Variants in SMU1 observed in about 807,000 individuals in gnomAD.
SMU1 encodes SMU1 DNA replication regulator and spliceosomal factor.
Under a neutral mutation model 62.0 loss-of-function variants are expected in SMU1, and 2 were observed. That is an observed-to-expected ratio of 0.03 (90% CI 0.01 to 0.10). SMU1 has a LOEUF of 0.10. SMU1 is among the 10% of genes least tolerant of loss of function. SMU1 has a pLI of 1.00. For missense variants in SMU1, 227 were observed against 622.1 expected, an observed-to-expected ratio of 0.36 and a Z score of 6.76; for synonymous variants, 188 against 212.4, an observed-to-expected ratio of 0.89 and a Z score of 1.00.
intron 1 of SMU1, among the ~76,000 whole-genome samples, chr9:33,076,235 A>C (rs1217414535): frequency 6.6e-6 from 1 of 152,236 alleles, no homozygotes; most frequent in Non-Finnish European, 1.5e-5. Flanking sequence ...GCAAGGCTTA[A>C]AGAGACCTAT....
In SMU1 at chr9:33,056,962, C is replaced by A. The variant is rs761333203; in HGVS notation, c.870G>T (p.Val290=). The part of the protein sequence containing the change: ...ATGAQDGKIK[V]WKIQSGQCLR... ...AACATTGTCCACTCTGAATCTTCCA[C>A]ACCTTTATTTGAAAAAAAAAAAAGA... Residue 290 remains valine (V), a splice_region_variant and synonymous_variant, in exon 8 of 12, where the codon GTG becomes GTT. Transcript: ENST00000397149. 2.5e-6 allele frequency: 4 copies of A among 1,598,600 alleles called. No homozygotes were observed. The highest frequency in any genetic ancestry group is 1.1e-5 in the South Asian group (1 of 88,836).
rs548965558 is a variant in SMU1 at position 33,048,844 on chromosome 9, A to G, written c.1291-586T>C. ...TGGTTGCCAAGGGTTAGGGCTTGGG[A>G]TTAACCTGAAATTTAAAACATGATA... On this transcript the variant is annotated intron_variant, in intron 10 of 11. Transcript: ENST00000397149. Among the ~76,000 whole-genome samples, 24 of 152,372 alleles carry G rather than the reference A, an allele frequency of 1.6e-4. 1 individual carries two copies. The East Asian group carries it at 4.2e-3, about 27-fold the overall frequency.
At chr9:33,067,989 A>G (rs12376634) in intron 4 of SMU1, among the ~76,000 whole-genome samples, 29,502 of 152,116 alleles carry the variant, frequency 0.19, 3,103 homozygotes, top group Middle Eastern at 0.29. Context: ...TGGCAACACT[A>G]TTAGTAATTT....
intron 4 of SMU1, among the ~76,000 whole-genome samples, chr9:33,066,421 G>C (rs1449830409): frequency 6.6e-6 from 1 of 150,738 alleles, no homozygotes. Context: ...TGGGCTCAGC[G>C]GCTTACACCT....
Position 33,062,195 on chromosome 9 carries a change from A to C in SMU1, c.502-18T>G. On this transcript the variant is annotated intron_variant, in intron 4 of 11. Transcript: ENST00000397149. Reference sequence around the variant, plus strand: ...TTCAGTGCCTATGAGGAAAAAAAAAAATATAGCAATCTGTTCAGGTGCTTT... The same window carrying C: ...TTCAGTGCCTATGAGGAAAAAAAAACATATAGCAATCTGTTCAGGTGCTTT... 1.2e-6 allele frequency: 2 copies of C among 1,606,214 alleles called. No individual in the cohort carries two copies. Among genetic ancestry groups the C allele is most frequent in the Non-Finnish European group, 1.7e-6 (2 of 1,177,428 alleles).
At chr9:33,059,674 C>T (rs1315249641) in intron 6 of SMU1, among the ~76,000 whole-genome samples, 1 of 148,432 alleles carries the variant, frequency 6.7e-6, no homozygotes, top group Non-Finnish European at 1.5e-5. Flanking sequence ...GGCATGATCT[C>T]GGCTCACTGC....
At chr9:33,070,912 T>C (rs1839478781) in intron 3 of SMU1, among the ~76,000 whole-genome samples, 4 of 152,050 alleles carry the variant, frequency 2.6e-5, no homozygotes, top group African/African-American at 7.2e-5. Flanking sequence ...GTGGGGATGG[T>C]TAATAGATAC....
At chr9:33,052,458 A>G (rs749422638) in intron 10 of SMU1, among the ~76,000 whole-genome samples, 6 of 152,210 alleles carry the variant, frequency 3.9e-5, no homozygotes, top group Non-Finnish European at 7.3e-5. Context: ...TCAGCTATGG[A>G]TTCTCAACTA....
chr9:33,049,265 T>A (rs1839217112), intron 10 of SMU1, among the ~76,000 whole-genome samples: 2 of 152,308 alleles, frequency 1.3e-5, no homozygotes, highest in South Asian at 4.1e-4. Flanking sequence ...ATTGGATCAA[T>A]GGAACAGGAT....
intron 4 of SMU1, among the ~76,000 whole-genome samples, chr9:33,063,476 T>C (rs1041792755): frequency 5.9e-5 from 9 of 152,180 alleles, no homozygotes; most frequent in African/African-American, 2.2e-4. Context: ...CCTTTCCTTT[T>C]GTTATTCCAA....
intron 9 of SMU1, among the ~76,000 whole-genome samples, chr9:33,055,191 G>T (rs1839291195): frequency 6.6e-6 from 1 of 151,940 alleles, no homozygotes. Flanking sequence ...TTTATTGATT[G>T]ACTGAGACAG....
rs1839349367 is a variant in SMU1, at chr9:33,060,370, C to T, written c.750+95G>A. ...TAATACATGTTCATTACATACAGAT[C>T]CTTTTTCAACTAATCTGATTTAGAG... On this transcript the variant is annotated intron_variant, in intron 6 of 11. Transcript: ENST00000397149. 4 of 1,094,794 alleles carry T rather than the reference C, an allele frequency of 3.7e-6. No homozygotes were observed. In the Admixed American group the frequency reaches 1.0e-4, roughly 28 times the overall value. 67.8% of individuals were successfully genotyped at this position (1,094,794 alleles called of 1,614,324 possible).
Position 33,075,204 on chromosome 9 carries a change from G to A in SMU1, c.26+1379C>T, listed in dbSNP as rs1014568752. Among the ~76,000 whole-genome samples, 4 of 152,140 alleles carry A rather than the reference G, an allele frequency of 2.6e-5. No individual in the cohort carries two copies. The East Asian group carries it at 5.8e-4, about 22-fold the overall frequency. On this transcript the variant is annotated intron_variant, in intron 1 of 11. Transcript: ENST00000397149. The stretch of plus-strand genomic sequence containing the variant: ...ATCCTGGCTAACACGGTGAAACCCC[G>A]TCTCTACTAAAAATACAAAAAAATT...
chr9:33,044,467 CCGTCCGCCCTGCG>C lies in SMU1; in HGVS notation c.*2813_*2825del, dbSNP rs1839161302. ...CGGAGCAGCGGCGCCCCAGATCCGGCCGTCCGCCCTGCGCGTGCGCGGCCCGACCCCGCCGCGG... is the reference window on the plus strand; with the variant it reads ...CGGAGCAGCGGCGCCCCAGATCCGGCCGTGCGCGGCCCGACCCCGCCGCGG... On this transcript the variant is annotated 3_prime_UTR_variant, in exon 12 of 12. Transcript: ENST00000397149. 1 of 152,434 alleles carries C rather than the reference CCGTCCGCCCTGCG, an allele frequency of 6.6e-6. No homozygotes were observed. The highest frequency in any genetic ancestry group is 2.1e-4 in the South Asian group (1 of 4,838). 9.4% of individuals were successfully genotyped at this position (152,434 alleles called of 1,614,324 possible).
At position 33,061,729 on chromosome 9, in the gene SMU1, A is replaced by G. The variant is rs534454854; in HGVS notation, c.630+320T>C. 6.6e-5 allele frequency among the ~76,000 whole-genome samples: 10 copies of G among 152,374 alleles called. No homozygotes were observed. In the South Asian group the frequency reaches 2.1e-3, roughly 32 times the overall value. ...AAAATGGTAAACAGAAGAAGTACAT[A>G]CAAAGTTCACAGTCCCAGGTGTAAC... On this transcript the variant is annotated intron_variant, in intron 5 of 11. Transcript: ENST00000397149.
At chr9:33,054,955 G>A (rs1428818870) in intron 9 of SMU1, among the ~76,000 whole-genome samples, 1 of 152,104 alleles carries the variant, frequency 6.6e-6, no homozygotes, top group Non-Finnish European at 1.5e-5. Context: ...ACAAAATAAG[G>A]AACCTTAGAT....
chr9:33,071,479 T>G (rs928111878), intron 3 of SMU1, among the ~76,000 whole-genome samples: 2 of 152,270 alleles, frequency 1.3e-5, no homozygotes, highest in Middle Eastern at 3.4e-3. Flanking sequence ...GAATAAAATG[T>G]TCTGCTTTTT....
At chr9:33,064,351 T>A (rs1177024118) in intron 4 of SMU1, among the ~76,000 whole-genome samples, 2 of 152,212 alleles carry the variant, frequency 1.3e-5, no homozygotes. Flanking sequence ...GGGAAGACTA[T>A]CAGGTTTGAT....
In SMU1 at chr9:33,055,868, C is replaced by A. The variant is rs73478850; in HGVS notation, c.1122+245G>T. Among the ~76,000 whole-genome samples the A allele has an allele frequency of 0.029, 4,398 of 152,246 alleles. 200 individuals are homozygous for A. Among genetic ancestry groups the A allele is most frequent in the African/African-American group, 0.1 (4,183 of 41,524 alleles). On this transcript the variant is annotated intron_variant, in intron 9 of 11. Coordinates refer to ENST00000397149, the MANE Select transcript of SMU1 (RefSeq NM_018225.3). The stretch of plus-strand genomic sequence containing the variant: ...ATGGCTTAAGTTTAGGACTCTTCAC[C>A]CTTCCTCTTTTCCTACACATGATAA...
Sources: allele counts gnomAD v4.1 joint callset (sites outside exome capture counted in the v4.1 genomes callset), GRCh38; gene constraint gnomAD v4.1.1; transcripts MANE v1.5; gene names NCBI Gene and HGNC (gene_info 2026-07-23, HGNC 2026-07-21).